The following PHKB variants were observed in gnomAD, a reference collection of about 807,000 sequenced individuals.
PHKB encodes phosphorylase kinase regulatory subunit beta.
Under a neutral mutation model 152.1 loss-of-function variants are expected in PHKB, and 122 were observed. The observed-to-expected ratio is 0.80, with a 90% CI of 0.69 to 0.93. PHKB has a LOEUF of 0.93. Among genes scored for constraint, PHKB ranks in the 40% least tolerant of loss-of-function variants. PHKB has a pLI of 0.00. For missense variants in PHKB, 1,304 were observed against 1,328.4 expected (o/e 0.98, Z 0.29); for synonymous variants, 436 against 464.9 (o/e 0.94, Z 0.80).
chr16:47,468,163 C>G (rs1969701699), intron 1 of PHKB, among the ~76,000 whole-genome samples: 1 of 152,160 alleles, frequency 6.6e-6, no homozygotes, highest in Non-Finnish European at 1.5e-5. Flanking sequence ...TGTTTTTCTT[C>G]AGCTGTACTC....
intron 7 of PHKB, among the ~76,000 whole-genome samples, chr16:47,550,003 G>A (rs1296561941): frequency 6.6e-6 from 1 of 152,094 alleles, no homozygotes; most frequent in Non-Finnish European, 1.5e-5. Flanking sequence ...TGGATGATGG[G>A]TTTTATACTT....
chr16:47,580,729 A>G (rs1971830216), intron 8 of PHKB, among the ~76,000 whole-genome samples: 1 of 151,964 alleles, frequency 6.6e-6, no homozygotes, highest in South Asian at 2.1e-4. Flanking sequence ...GTTTCAATGT[A>G]ATGTATTTCA....
chr16:47,598,626 C>T, intron 13 of PHKB: 2 of 1,309,452 alleles, frequency 1.5e-6, no homozygotes, highest in Non-Finnish European at 2.2e-6. Flanking sequence ...ATCAGTTTCC[C>T]ATCAACACAC....
intron 14 of PHKB, among the ~76,000 whole-genome samples, chr16:47,612,318 T>C (rs1333485550): frequency 6.6e-6 from 1 of 152,184 alleles, no homozygotes; most frequent in East Asian, 1.9e-4. Context: ...GGTCACAGAT[T>C]TGAGGTGTGC....
intron 1 of PHKB, among the ~76,000 whole-genome samples, chr16:47,464,640 A>G (rs573770123): frequency 6.6e-6 from 1 of 152,212 alleles, no homozygotes; most frequent in Non-Finnish European, 1.5e-5. Flanking sequence ...TCATGGACCC[A>G]GACATGATTA....
rs1388068539 is a variant in PHKB, at chr16:47,669,266, T to C, written c.2479T>C (p.Ser827Pro). 1 of 1,614,090 alleles carries C rather than the reference T, an allele frequency of 6.2e-7. No homozygotes were observed. ...AGAAGAAGTTATCTCTAATCCTTTGTCTCCAAGAGTGATTCAAAACATCAT... is the reference window on the plus strand; with the variant it reads ...AGAAGAAGTTATCTCTAATCCTTTGCCTCCAAGAGTGATTCAAAACATCAT... Reference protein sequence around the residue: ...HEEEVISNPLSPRVIQNIIYY... With the variant: ...HEEEVISNPLPPRVIQNIIYY... The change falls in exon 26 of 31, where the codon TCT (serine) becomes CCT (proline). Residue 827 changes from serine to proline, a missense_variant. Coordinates refer to ENST00000323584, the MANE Select transcript of PHKB (RefSeq NM_000293.3).
chr16:47,465,477 A>G (rs1969652126), intron 1 of PHKB, among the ~76,000 whole-genome samples: 1 of 152,226 alleles, frequency 6.6e-6, no homozygotes, highest in Admixed American at 6.5e-5. Context: ...TGTATCATCA[A>G]ATTGAAATAG....
intron 6 of PHKB, among the ~76,000 whole-genome samples, chr16:47,526,216 C>G (rs892485136): frequency 1.4e-5 from 2 of 147,788 alleles, no homozygotes; most frequent in African/African-American, 5.3e-5. Flanking sequence ...CGAGACCAGC[C>G]TGGCCAACAT....
At chr16:47,657,819 CT>C (rs1973365688) in intron 20 of PHKB, among the ~76,000 whole-genome samples, 1 of 152,094 alleles carries the variant, frequency 6.6e-6, no homozygotes, top group African/African-American at 2.4e-5. Flanking sequence ...CTCTCTCTTT[CT>C]CTCATACCCT....
At chr16:47,662,084 A>T (rs909819515) in intron 23 of PHKB, among the ~76,000 whole-genome samples, 1 of 152,144 alleles carries the variant, frequency 6.6e-6, no homozygotes, top group Admixed American at 6.6e-5. Flanking sequence ...ACGTCTGATG[A>T]ATTCCATAGT....
At chr16:47,612,227 C>T (rs528502909) in intron 14 of PHKB, among the ~76,000 whole-genome samples, 1 of 152,316 alleles carries the variant, frequency 6.6e-6, no homozygotes, top group Non-Finnish European at 1.5e-5. Context: ...ATGTGTATCA[C>T]TTAAATAGTA....
rs186710481 is a variant in PHKB, at chr16:47,693,370, T to C, written c.2766-8T>C. On this transcript the variant is annotated splice_polypyrimidine_tract_variant and splice_region_variant and intron_variant, in intron 27 of 30. Transcript: ENST00000323584. ...CTTCAACTCTGAGACATTTGCCTTT[T>C]GTTACAGATGTTGGCTGAACAGGCG... 1.1e-4 allele frequency: 183 copies of C among 1,614,014 alleles called. 1 individual carries two copies. The East Asian group carries it at 3.8e-3, about 34-fold the overall frequency.
intron 26 of PHKB, among the ~76,000 whole-genome samples, chr16:47,673,670 T>C (rs1298731336): frequency 6.6e-6 from 1 of 152,192 alleles, no homozygotes; most frequent in Non-Finnish European, 1.5e-5. Context: ...TTAAATAACG[T>C]GATCATTGCA....
At chr16:47,540,297 G>T (rs756133784) in intron 6 of PHKB, among the ~76,000 whole-genome samples, 2 of 138,000 alleles carry the variant, frequency 1.4e-5, no homozygotes, top group African/African-American at 2.8e-5. Flanking sequence ...CTCTGCTCTC[G>T]AACTCTGTTT....
intron 4 of PHKB, among the ~76,000 whole-genome samples, chr16:47,504,602 A>G (rs1027475481): frequency 6.6e-6 from 1 of 152,242 alleles, no homozygotes; most frequent in African/African-American, 2.4e-5. Flanking sequence ...GCATAAATGA[A>G]TGTACTGGTT....
At chr16:47,571,039 G>C (rs1019810599) in intron 7 of PHKB, among the ~76,000 whole-genome samples, 8 of 151,990 alleles carry the variant, frequency 5.3e-5, no homozygotes, top group Non-Finnish European at 7.4e-5. Context: ...GCTTTCAGTG[G>C]CAAAGTCTCT....
intron 7 of PHKB, among the ~76,000 whole-genome samples, chr16:47,569,234 A>G (rs1334464620): frequency 6.6e-6 from 1 of 152,176 alleles, no homozygotes; most frequent in East Asian, 1.9e-4. Context: ...GAATTATTAT[A>G]TCTTCTTGTT....
chr16:47,626,118 G>A (rs1300323205), intron 14 of PHKB, among the ~76,000 whole-genome samples: 1 of 152,224 alleles, frequency 6.6e-6, no homozygotes, highest in Non-Finnish European at 1.5e-5. Flanking sequence ...AACCTTTCTA[G>A]TGTATAAAAC....
At chr16:47,695,882 C>T (rs1015589) in intron 28 of PHKB, among the ~76,000 whole-genome samples, 4,463 of 152,236 alleles carry the variant, frequency 0.029, 143 homozygotes, top group East Asian at 0.096. Flanking sequence ...ATTCTTTTAG[C>T]GTCGCTTTTT....
Sources: allele counts gnomAD v4.1 joint callset (sites outside exome capture counted in the v4.1 genomes callset), GRCh38; gene constraint gnomAD v4.1.1; transcripts MANE v1.5; gene names NCBI Gene and HGNC (gene_info 2026-07-23, HGNC 2026-07-21).